The following PTBP3 variants were observed in gnomAD, a reference collection of about 807,000 sequenced individuals.
PTBP3 encodes polypyrimidine tract binding protein 3, also known as polypyrimidine tract-binding protein 3.
PTBP3 carries 20 observed loss-of-function variants against 58.7 expected under a neutral mutation model. The ratio of observed to expected loss-of-function variants is 0.34; its 90% CI spans 0.24 to 0.50. The LOEUF is 0.50. Among genes scored for constraint, PTBP3 ranks in the 20% least tolerant of loss-of-function variants. The pLI, the probability that PTBP3 is intolerant of heterozygous loss-of-function variation, is 0.98. For synonymous variants in PTBP3, 185 were observed against 219.8 expected (o/e 0.84, Z 1.40); for missense variants, 509 against 637.2 (o/e 0.80, Z 2.17).
At chr9:112,375,572 G>C in the PTBP3 span, among the ~76,000 whole-genome samples, 1 of 152,144 alleles carries the variant, frequency 6.6e-6, no homozygotes, top group African/African-American at 2.4e-5. Flanking sequence ...TGATCATAGG[G>C]AACTCCCCAT....
the PTBP3 span, among the ~76,000 whole-genome samples, chr9:112,378,117 C>T: frequency 1.3e-5 from 2 of 152,154 alleles, no homozygotes; most frequent in Non-Finnish European, 2.9e-5. Context: ...TCTCCTTCAC[C>T]CATTCCTCAC....
rs191550153 is a variant in PTBP3, at chr9:112,304,692, T to C, written c.-51-6776A>G. On this transcript the variant is annotated intron_variant, in intron 1 of 13. Transcript: ENST00000374257. ...GCAATCCTCACACCTTGGCCTCCCA[T>C]GTAGCTAGGACTAGAGGCATGCATC... is the stretch of plus-strand genomic sequence containing the variant. 1.1e-3 allele frequency among the ~76,000 whole-genome samples: 170 copies of C among 152,314 alleles called. 1 individual carries two copies. The highest frequency in any genetic ancestry group is 3.8e-3 in the African/African-American group (156 of 41,578).
chr9:112,329,996 C>G (rs1830305722), intron 1 of PTBP3, among the ~76,000 whole-genome samples: 1 of 152,012 alleles, frequency 6.6e-6, no homozygotes, highest in South Asian at 2.1e-4. Flanking sequence ...CAGGCACGCA[C>G]CACCATGCCC....
chr9:112,268,049 A>C lies in PTBP3; in HGVS notation c.351T>G (p.Ala117=). Residue 117 remains alanine (A), a splice_region_variant and synonymous_variant, in exon 4 of 14, where the codon GCT becomes GCG. Transcript: ENST00000374257. ...ELKTDNLPNQ[A]RAQAALQAVS... ...TTTTAAAAACATCTTTAATACTTAC[A>C]GCTTGATTAGGTAGATTGTCAGTCT... 1 of 1,607,338 alleles carries C rather than the reference A, an allele frequency of 6.2e-7. No individual in the cohort carries two copies. Among genetic ancestry groups the C allele is most frequent in the Non-Finnish European group, 8.5e-7 (1 of 1,177,416 alleles).
At chr9:112,247,891 T>C (rs1316050781) in intron 7 of PTBP3, among the ~76,000 whole-genome samples, 1 of 152,144 alleles carries the variant, frequency 6.6e-6, no homozygotes, top group African/African-American at 2.4e-5. Context: ...AGAAAATAAA[T>C]ATACACACAC....
the PTBP3 span, among the ~76,000 whole-genome samples, chr9:112,343,627 TA>T: frequency 6.6e-6 from 1 of 151,432 alleles, no homozygotes; most frequent in African/African-American, 2.4e-5. Flanking sequence ...CCGTCTCTAC[TA>T]AAAATACAAA....
intron 1 of PTBP3, 87 bp from the exon 2 acceptor site, chr9:112,298,003 T>A: frequency 9.3e-7 from 1 of 1,080,396 alleles, no homozygotes; most frequent in Non-Finnish European, 1.4e-6. Context: ...CTAATAATAT[T>A]ACTTCATCTT....
Position 112,221,612 on chromosome 9 carries a change from G to C in PTBP3, c.*2239C>G. On this transcript the variant is annotated 3_prime_UTR_variant, in exon 14 of 14. Coordinates refer to ENST00000374257, the MANE Select transcript of PTBP3 (RefSeq NM_001163788.4). ...TTTTCCTCCTTCATATACCCCTTGT[G>C]TCTAGGTCAAAACTTATTTCATAAG... is the stretch of plus-strand genomic sequence containing the variant. 1 of 985,280 alleles carries C rather than the reference G, an allele frequency of 1.0e-6. No homozygotes were observed. The highest frequency in any genetic ancestry group is 1.2e-6 in the Non-Finnish European group (1 of 829,900). 61.0% of individuals were successfully genotyped at this position (985,280 alleles called of 1,614,324 possible).
chr9:112,323,098 T>C (rs1329591249), intron 1 of PTBP3, among the ~76,000 whole-genome samples: 1 of 152,132 alleles, frequency 6.6e-6, no homozygotes, highest in African/African-American at 2.4e-5. Flanking sequence ...AAAAATTGTT[T>C]AAAATTAGCC....
chr9:112,267,986 AGTAT>A, intron 4 of PTBP3, 59 bp downstream of exon 4: 1 of 1,409,914 alleles, frequency 7.1e-7, no homozygotes. Context: ...TCATCTGTAA[AGTAT>A]GTAAGTTATC....
At chr9:112,236,713 T>C (rs1184050878) in intron 7 of PTBP3, among the ~76,000 whole-genome samples, 3 of 152,190 alleles carry the variant, frequency 2.0e-5, no homozygotes, top group Non-Finnish European at 4.4e-5. Context: ...GATCATGTCA[T>C]GTTTTTCCCA....
intron 4 of PTBP3, among the ~76,000 whole-genome samples, chr9:112,265,019 G>C (rs924699971): frequency 6.6e-6 from 1 of 152,104 alleles, no homozygotes; most frequent in Non-Finnish European, 1.5e-5. Context: ...AAGAATCAGA[G>C]TAATATAATT....
At chr9:112,302,292 T>C (rs917990115) in intron 1 of PTBP3, among the ~76,000 whole-genome samples, 10 of 152,062 alleles carry the variant, frequency 6.6e-5, no homozygotes, top group African/African-American at 2.2e-4. Flanking sequence ...CCAAAAGAGT[T>C]AAAGGAAAAA....
At chr9:112,269,297 G>A (rs749063654) in intron 3 of PTBP3, among the ~76,000 whole-genome samples, 12 of 151,082 alleles carry the variant, frequency 7.9e-5, no homozygotes, top group Non-Finnish European at 1.3e-4. Context: ...GCTAAAAACC[G>A]TCTTTAGGGG....
the PTBP3 span, among the ~76,000 whole-genome samples, chr9:112,345,573 G>A: frequency 2.0e-5 from 3 of 151,372 alleles, no homozygotes; most frequent in Admixed American, 6.6e-5. Context: ...GTAGAGTTGG[G>A]GTTTTACCAT....
At chr9:112,331,363 G>A (rs943633645) in intron 1 of PTBP3, among the ~76,000 whole-genome samples, 2 of 152,050 alleles carry the variant, frequency 1.3e-5, no homozygotes, top group African/African-American at 4.8e-5. Context: ...TCTCTTCTAA[G>A]CCCCAAGAAA....
chr9:112,242,814 T>G (rs1245767311), intron 7 of PTBP3: 1 of 152,272 alleles, frequency 6.6e-6, no homozygotes, highest in Non-Finnish European at 1.5e-5. Flanking sequence ...GCCTCCTGAA[T>G]AGCTGGAACT....
At chr9:112,307,907 C>T (rs1237035009) in intron 1 of PTBP3, among the ~76,000 whole-genome samples, 7 of 152,194 alleles carry the variant, frequency 4.6e-5, no homozygotes, top group African/African-American at 1.2e-4. Flanking sequence ...TGCCGCCCAA[C>T]GCAAATTCAT....
chr9:112,245,104 T>C (rs1835826033), intron 7 of PTBP3, among the ~76,000 whole-genome samples: 3 of 151,366 alleles, frequency 2.0e-5, no homozygotes, highest in Non-Finnish European at 4.4e-5. Flanking sequence ...AGGTCAGGAG[T>C]TCAAGACCAG....
Sources: gnomAD v4.1 joint callset for allele counts (sites outside exome capture counted in the v4.1 genomes callset) on GRCh38, gnomAD v4.1.1 for gene constraint, MANE v1.5 for transcripts, NCBI Gene and HGNC (gene_info 2026-07-23, HGNC 2026-07-21) for gene names.